The following L3MBTL3 variants were observed in gnomAD, a reference collection of about 807,000 sequenced individuals.
The protein encoded by L3MBTL3 is lethal(3)malignant brain tumor-like protein 3.
L3MBTL3 carries 27 observed loss-of-function variants against 102.3 expected under a neutral mutation model. The observed-to-expected ratio is 0.26, with a 90% CI of 0.19 to 0.36. The LOEUF (loss-of-function observed/expected upper bound fraction) is 0.36. Ranked by LOEUF, L3MBTL3 falls within the 10% of genes least tolerant of loss-of-function variation. The pLI is 1.00. For synonymous variants in L3MBTL3, 340 were observed against 320.9 expected, an observed-to-expected ratio of 1.06 and a Z score of -0.64; for missense variants, 798 against 955.3, an observed-to-expected ratio of 0.84 and a Z score of 2.17.
intron 11 of L3MBTL3, among the ~76,000 whole-genome samples, chr6:130,068,006 T>G (rs17759178): frequency 0.064 from 9,698 of 152,258 alleles, 464 homozygotes; most frequent in Non-Finnish European, 0.1. Flanking sequence ...CTATTGTAGT[T>G]CAGTATCTAT....
intron 20 of L3MBTL3, among the ~76,000 whole-genome samples, chr6:130,125,734 G>T (rs867517281): frequency 9.9e-5 from 15 of 152,110 alleles, no homozygotes; most frequent in Admixed American, 9.8e-4. Context: ...CCTGGCTGGG[G>T]TGGCCTGGGG....
intron 20 of L3MBTL3, among the ~76,000 whole-genome samples, chr6:130,128,460 T>C (rs535304946): frequency 4.2e-4 from 64 of 152,108 alleles, no homozygotes; most frequent in South Asian, 1.5e-3. Flanking sequence ...GAGGGACATA[T>C]TGGGGGAGTG....
At chr6:130,125,254 C>G (rs1015945630) in intron 20 of L3MBTL3, among the ~76,000 whole-genome samples, 3 of 152,218 alleles carry the variant, frequency 2.0e-5, no homozygotes, top group Non-Finnish European at 4.4e-5. Context: ...CTCACTCAGT[C>G]TCTCGTTCTG....
At chr6:130,068,461 GT>G (rs752112899) in intron 12 of L3MBTL3, 40 bp downstream of exon 12, 2 of 1,069,358 alleles carry the variant, frequency 1.9e-6, no homozygotes, top group South Asian at 1.3e-5. Flanking sequence ...AAAGGAAGAA[GT>G]TTTTTGAGTG....
chr6:130,065,607 A>G (rs1282362788), intron 10 of L3MBTL3, among the ~76,000 whole-genome samples: 2 of 152,214 alleles, frequency 1.3e-5, no homozygotes, highest in Non-Finnish European at 1.5e-5. Flanking sequence ...TGGAGCGGGT[A>G]GAGGTCTGGC....
chr6:130,037,125 A>G (rs1289803656), intron 2 of L3MBTL3, among the ~76,000 whole-genome samples: 2 of 152,236 alleles, frequency 1.3e-5, no homozygotes, highest in Non-Finnish European at 2.9e-5. Context: ...GAAAGATTGA[A>G]TCAAACTTAC....
intron 20 of L3MBTL3, among the ~76,000 whole-genome samples, chr6:130,129,994 G>A (rs1247178335): frequency 6.6e-6 from 1 of 152,182 alleles, no homozygotes; most frequent in Admixed American, 6.5e-5. Context: ...AATCATAGGA[G>A]GTGGCATGCT....
intron 2 of L3MBTL3, among the ~76,000 whole-genome samples, chr6:130,035,338 T>G (rs1453942455): frequency 6.6e-6 from 1 of 152,118 alleles, no homozygotes; most frequent in African/African-American, 2.4e-5. Context: ...TTTATTTACA[T>G]GAGAGAGTGA....
At chr6:130,071,840 C>T (rs895886210) in intron 13 of L3MBTL3, among the ~76,000 whole-genome samples, 15 of 152,098 alleles carry the variant, frequency 9.9e-5, no homozygotes, top group East Asian at 1.9e-4. Flanking sequence ...TTTTTAGTAT[C>T]CATATATTTA....
At chr6:130,094,878 C>T (rs758405237) in intron 18 of L3MBTL3, among the ~76,000 whole-genome samples, 1 of 151,858 alleles carries the variant, frequency 6.6e-6, no homozygotes, top group Non-Finnish European at 1.5e-5. Flanking sequence ...TAAAAAAAAA[C>T]CAAATTTATG....
chr6:130,074,283 A>G (rs138975655), intron 13 of L3MBTL3, among the ~76,000 whole-genome samples: 143 of 152,330 alleles, frequency 9.4e-4, no homozygotes, highest in African/African-American at 3.4e-3. Flanking sequence ...CCAAAGAGGA[A>G]CATGATAAAA....
At chr6:130,136,659 C>A (rs960249611) in intron 22 of L3MBTL3, among the ~76,000 whole-genome samples, 2 of 152,082 alleles carry the variant, frequency 1.3e-5, no homozygotes, top group Non-Finnish European at 2.9e-5. Context: ...ACTCTGTCGC[C>A]CAGGCTGGAG....
chr6:130,133,202 G>A lies in L3MBTL3; in HGVS notation c.1967-250G>A, dbSNP rs972929454. 3.3e-5 allele frequency among the ~76,000 whole-genome samples: 5 copies of A among 152,168 alleles called. No homozygotes were observed. Among genetic ancestry groups the A allele is most frequent in the African/African-American group, 1.2e-4 (5 of 41,436 alleles). On this transcript the variant is annotated intron_variant, in intron 20 of 22. Transcript: ENST00000361794. The surrounding 1 kb of genome is among the most constrained non-coding windows in gnomAD (Gnocchi z 4.9). ...TTATCTGAAGCATTAAAGAGACAAC[G>A]TTGAACAACATAATGAAGCATGTCT... is the stretch of plus-strand genomic sequence containing the variant.
intron 2 of L3MBTL3, among the ~76,000 whole-genome samples, chr6:130,022,798 G>C (rs186107297): frequency 6.6e-6 from 1 of 152,266 alleles, no homozygotes; most frequent in African/African-American, 2.4e-5. Context: ...GCTGACTTGT[G>C]CCAAGTGCCA....
intron 16 of L3MBTL3, among the ~76,000 whole-genome samples, chr6:130,089,140 A>G (rs1357621413): frequency 6.6e-6 from 1 of 151,988 alleles, no homozygotes; most frequent in Non-Finnish European, 1.5e-5. Flanking sequence ...ATATGTATAC[A>G]TGTGCCGTGT....
At position 130,065,119 on chromosome 6, in the gene L3MBTL3, A is replaced by G. The variant is rs547306734; in HGVS notation, c.865-1234A>G. Among the ~76,000 whole-genome samples, 23 of 152,222 alleles carry G rather than the reference A, an allele frequency of 1.5e-4. No individual in the cohort carries two copies. In the South Asian group the frequency reaches 4.6e-3, roughly 30 times the overall value. On this transcript the variant is annotated intron_variant, in intron 10 of 22. Coordinates refer to ENST00000361794, the MANE Select transcript of L3MBTL3 (RefSeq NM_032438.4). The stretch of plus-strand genomic sequence containing the variant: ...GTCAGCTTAGTTGTAAATTTGATGT[A>G]TGTGGTATATCAATACATTCTAATT...
At chr6:130,118,227 C>T (rs989828503) in intron 19 of L3MBTL3, among the ~76,000 whole-genome samples, 10 of 152,018 alleles carry the variant, frequency 6.6e-5, no homozygotes, top group Admixed American at 2.6e-4. Flanking sequence ...TCAAGAAGAA[C>T]GGGTGCTATA....
chr6:130,057,358 T>C, intron 8 of L3MBTL3, 48 bp from the exon 9 acceptor site: 1 of 1,471,444 alleles, frequency 6.8e-7, no homozygotes, highest in South Asian at 1.2e-5. Flanking sequence ...GCATCACTGC[T>C]GGCTTAGATT....
intron 15 of L3MBTL3, among the ~76,000 whole-genome samples, chr6:130,084,828 C>T (rs922766910): frequency 1.3e-5 from 2 of 152,076 alleles, no homozygotes; most frequent in African/African-American, 4.8e-5. Flanking sequence ...ATTTTCATGG[C>T]AACCCTTTTT....
Sources: gnomAD v4.1 joint callset for allele counts (sites outside exome capture counted in the v4.1 genomes callset) on GRCh38, gnomAD v4.1.1 for gene constraint, Gnocchi (gnomAD v3.1) non-coding constraint, MANE v1.5 for transcripts, NCBI Gene and HGNC (gene_info 2026-07-23, HGNC 2026-07-21) for gene names.